The following CCDC144A variants were observed in gnomAD, a reference collection of about 807,000 sequenced individuals.
The protein encoded by CCDC144A is coiled-coil domain-containing protein 144A.
CCDC144A carries 41 observed loss-of-function variants against 143.8 expected under a neutral mutation model. That is an observed-to-expected ratio of 0.29 (90% confidence interval 0.22 to 0.37). The LOEUF (loss-of-function observed/expected upper bound fraction) is 0.37, where lower values mean the gene tolerates loss of function less well. CCDC144A is among the 10% of genes least tolerant of loss of function. The probability of loss-of-function intolerance (pLI) is 1.00; values close to 1 mark genes in which losing one functional copy is unlikely to be tolerated. For synonymous variants in CCDC144A, 242 were observed against 517.9 expected (o/e 0.47, Z 7.23); for missense variants, 637 against 1,488.8 (o/e 0.43, Z 9.41).
rs1406439386 is a variant in CCDC144A at position 16,709,338 on chromosome 17, T to C, written c.1281T>C (p.Thr427=). 2 of 1,611,574 alleles carry C rather than the reference T, an allele frequency of 1.2e-6. No homozygotes were observed. The highest frequency in any genetic ancestry group is 1.1e-5 in the South Asian group (1 of 90,974). Residue 427 remains threonine, a synonymous_variant, in exon 5 of 17, where the codon ACT becomes ACC. Transcript: ENST00000399273. The part of the protein sequence containing the change: ...TDKNFHNDAS[T]KKARNPEVVM... ...AGAACTTTCATAATGATGCAAGCACTAAGAAAGCAAGGAACCCAGAAGTGG... is the reference window on the plus strand; with the variant it reads ...AGAACTTTCATAATGATGCAAGCACCAAGAAAGCAAGGAACCCAGAAGTGG...
At chr17:16,744,791 A>G (rs1191071385) in intron 12 of CCDC144A, among the ~76,000 whole-genome samples, 3 of 152,094 alleles carry the variant, frequency 2.0e-5, no homozygotes, top group Non-Finnish European at 4.4e-5. Context: ...AGTGCCAAAA[A>G]TACATTCACA....
intron 15 of CCDC144A, among the ~76,000 whole-genome samples, chr17:16,769,985 G>A (rs1193786938): frequency 1.5e-4 from 23 of 150,532 alleles, no homozygotes; most frequent in Admixed American, 1.5e-3. Flanking sequence ...ACACCACCAC[G>A]CCTGGCTAAT....
intron 1 of CCDC144A, among the ~76,000 whole-genome samples, chr17:16,691,383 A>C (rs372668792): frequency 1.8e-4 from 27 of 151,984 alleles, no homozygotes; most frequent in Admixed American, 5.9e-4. Flanking sequence ...GCAGGAAGCC[A>C]TCACCAGAAT....
chr17:16,712,551 T>C (rs1414176907), intron 6 of CCDC144A, among the ~76,000 whole-genome samples: 1 of 152,068 alleles, frequency 6.6e-6, no homozygotes, highest in African/African-American at 2.4e-5. Context: ...TTACATGTAG[T>C]ATGTAACATA....
At chr17:16,732,997 T>G (rs1359801750) in intron 11 of CCDC144A, among the ~76,000 whole-genome samples, 1 of 151,762 alleles carries the variant, frequency 6.6e-6, no homozygotes, top group Admixed American at 6.6e-5. Flanking sequence ...GACGTTCTAG[T>G]TTTCAGACAT....
At chr17:16,729,817 A>T (rs2143225524) in intron 9 of CCDC144A, among the ~76,000 whole-genome samples, 1 of 148,942 alleles carries the variant, frequency 6.7e-6, no homozygotes, top group African/African-American at 2.5e-5. Context: ...CCTCCGTGTC[A>T]CTGCACTCCA....
intron 16 of CCDC144A, among the ~76,000 whole-genome samples, chr17:16,773,279 G>C (rs1268134170): frequency 2.2e-3 from 332 of 151,786 alleles, no homozygotes; most frequent in African/African-American, 7.5e-3. Context: ...ACGAAACCCT[G>C]CCCCTATAAA....
intron 8 of CCDC144A, among the ~76,000 whole-genome samples, chr17:16,724,541 A>G (rs1913282322): frequency 6.7e-6 from 1 of 149,936 alleles, no homozygotes; most frequent in Non-Finnish European, 1.5e-5. Context: ...GATTGATTGC[A>G]GAACCTAGAA....
chr17:16,686,741 CACACAA>C (rs1217823679), upstream of CCDC144A, among the ~76,000 whole-genome samples: 2 of 123,234 alleles, frequency 1.6e-5, no homozygotes, highest in African/African-American at 3.4e-5. Flanking sequence ...CTCTGTCACA[CACACAA>C]ACACACACAC....
chr17:16,696,642 A>G (rs1322448117), intron 2 of CCDC144A, among the ~76,000 whole-genome samples: 4 of 151,642 alleles, frequency 2.6e-5, no homozygotes, highest in Non-Finnish European at 4.4e-5. Flanking sequence ...TCAAAAAAAA[A>G]AAAAAAGAAA....
At chr17:16,763,176 G>A in intron 14 of CCDC144A, among the ~76,000 whole-genome samples, 1 of 151,004 alleles carries the variant, frequency 6.6e-6, no homozygotes. Flanking sequence ...ACCTTGGTCA[G>A]CCTGAGGCGG....
rs1368110019 is a variant in CCDC144A, at chr17:16,776,672, C to A, written c.*3039C>A. On this transcript the variant is annotated 3_prime_UTR_variant, in exon 17 of 17. Coordinates refer to ENST00000399273, the MANE Select transcript of CCDC144A (RefSeq NM_001382000.1). ...CAAAGATAGTTTGACTTCCTGTCTT[C>A]CTATTTGAATAGCTTTTCTTTCTTT... The A allele has an allele frequency of 6.6e-6, 1 of 151,732 alleles. No homozygotes were observed. The highest frequency in any genetic ancestry group is 1.5e-5 in the Non-Finnish European group (1 of 67,952). 9.4% of individuals were successfully genotyped at this position (151,732 alleles called of 1,614,324 possible).
At chr17:16,764,312 G>T in intron 15 of CCDC144A, 137 bp downstream of exon 15, 1 of 1,471,628 alleles carries the variant, frequency 6.8e-7, no homozygotes, top group East Asian at 2.6e-5. Flanking sequence ...AGAGGAGACA[G>T]AAATTTTACC....
At chr17:16,755,695 GAC>G (rs1212046900) in intron 12 of CCDC144A, among the ~76,000 whole-genome samples, 2 of 152,196 alleles carry the variant, frequency 1.3e-5, no homozygotes, top group African/African-American at 2.4e-5. Context: ...GAGTAGCTGG[GAC>G]CACAGGCATG....
chr17:16,686,866 A>G (rs1201482879), upstream of CCDC144A, among the ~76,000 whole-genome samples: 8 of 151,858 alleles, frequency 5.3e-5, no homozygotes, highest in East Asian at 7.7e-4. Flanking sequence ...GGCCTCAGGG[A>G]TGCAGGAATA....
intron 3 of CCDC144A, chr17:16,705,963 G>A: frequency 6.4e-6 from 1 of 156,672 alleles, no homozygotes; most frequent in South Asian, 1.9e-4. Context: ...AACGCTTGTA[G>A]TCCCAGCTAC....
chr17:16,686,651 A>T (rs1053000760), upstream of CCDC144A, among the ~76,000 whole-genome samples: 1 of 151,482 alleles, frequency 6.6e-6, no homozygotes, highest in Non-Finnish European at 1.5e-5. Context: ...CACAAAAAAA[A>T]ATTGTTTTTT....
At chr17:16,704,141 C>T (rs1204702111) in intron 2 of CCDC144A, among the ~76,000 whole-genome samples, 1 of 151,958 alleles carries the variant, frequency 6.6e-6, no homozygotes, top group East Asian at 1.9e-4. Flanking sequence ...TGGCTTTTTT[C>T]TTTCACTTGT....
At chr17:16,712,443 T>C (rs1345163873) in intron 6 of CCDC144A, among the ~76,000 whole-genome samples, 5 of 152,120 alleles carry the variant, frequency 3.3e-5, no homozygotes, top group African/African-American at 7.2e-5. Flanking sequence ...ATTTCAAATA[T>C]GTCACTTCTT....
Sources: gnomAD v4.1 joint callset for allele counts (sites outside exome capture counted in the v4.1 genomes callset) on GRCh38, gnomAD v4.1.1 for gene constraint, MANE v1.5 for transcripts, NCBI Gene and HGNC (gene_info 2026-07-23, HGNC 2026-07-21) for gene names.